Variants in CDH13 observed in about 807,000 individuals in gnomAD.
CDH13 encodes the protein cadherin 13.
In CDH13, 24 loss-of-function variants were observed where a neutral mutation model predicts 63.8. The ratio of observed to expected loss-of-function variants is 0.38; its 90% confidence interval spans 0.27 to 0.53. The LOEUF is 0.53. CDH13 is among the 20% of genes least tolerant of loss of function. The pLI, the probability that CDH13 is intolerant of heterozygous loss-of-function variation, is 0.85. For synonymous variants in CDH13, 503 were observed against 355.3 expected (o/e 1.42, Z -4.67); for missense variants, 1,049 against 903.1 (o/e 1.16, Z -2.07).
intron 3 of CDH13, among the ~76,000 whole-genome samples, chr16:83,093,540 G>A (rs866359001): frequency 5.3e-5 from 8 of 151,674 alleles, no homozygotes; most frequent in African/African-American, 1.7e-4. Context: ...GCCTGGTCTC[G>A]AACTCCTGAC....
chr16:83,246,156 T>C (rs1423287607), intron 5 of CDH13, among the ~76,000 whole-genome samples: 2 of 152,238 alleles, frequency 1.3e-5, no homozygotes, highest in Non-Finnish European at 2.9e-5. Context: ...GGACTAGAAT[T>C]TCTTTATTCT....
chr16:83,704,100 A>G (rs180733624), intron 10 of CDH13, among the ~76,000 whole-genome samples: 1 of 152,344 alleles, frequency 6.6e-6, no homozygotes, highest in Non-Finnish European at 1.5e-5. Context: ...CTTTGGTTAC[A>G]GTTCAAAAGT....
intron 2 of CDH13, among the ~76,000 whole-genome samples, chr16:82,971,892 C>G (rs964604778): frequency 2.0e-5 from 3 of 152,144 alleles, no homozygotes; most frequent in African/African-American, 7.2e-5. Context: ...GGCCTGTACC[C>G]TTGTTTGCAG....
At chr16:82,796,877 G>A (rs1428608650) in intron 1 of CDH13, among the ~76,000 whole-genome samples, 1 of 152,220 alleles carries the variant, frequency 6.6e-6, no homozygotes, top group Non-Finnish European at 1.5e-5. Context: ...TCCAACGGCT[G>A]CACCTGTGGA....
intron 7 of CDH13, among the ~76,000 whole-genome samples, chr16:83,505,914 T>G (rs185218104): frequency 1.8e-3 from 267 of 152,290 alleles, no homozygotes; most frequent in African/African-American, 6.4e-3. Flanking sequence ...ATCAGCATGT[T>G]CCTTCCTTCA....
chr16:83,319,680 T>C (rs2090179377), intron 5 of CDH13, among the ~76,000 whole-genome samples: 1 of 152,082 alleles, frequency 6.6e-6, no homozygotes, highest in South Asian at 2.1e-4. Flanking sequence ...CATCATGTCA[T>C]CTATGCAAAG....
At chr16:83,337,051 C>A (rs901981002) in intron 5 of CDH13, among the ~76,000 whole-genome samples, 2 of 152,166 alleles carry the variant, frequency 1.3e-5, no homozygotes, top group Non-Finnish European at 2.9e-5. Context: ...CGCCATGAAG[C>A]TGAAGGCCAC....
At chr16:83,594,424 T>C (rs966032377) in intron 7 of CDH13, among the ~76,000 whole-genome samples, 8 of 150,334 alleles carry the variant, frequency 5.3e-5, no homozygotes, top group Non-Finnish European at 3.0e-5. Context: ...TAATAATTGA[T>C]CACATATTGA....
intron 2 of CDH13, among the ~76,000 whole-genome samples, chr16:82,934,209 G>T (rs768724239): frequency 6.6e-6 from 1 of 152,184 alleles, no homozygotes; most frequent in Non-Finnish European, 1.5e-5. Context: ...CTGAAGTCTA[G>T]GCAGATGTTC....
rs74484968 is a variant in CDH13 at position 82,848,782 on chromosome 16, T to C, written c.46-9580T>C. On this transcript the variant is annotated intron_variant, in intron 1 of 13. Transcript: ENST00000567109. The stretch of plus-strand genomic sequence containing the variant: ...ATAAAGTACTTTCTTTGCCTCTAAG[T>C]GTTCAAGAGAAAGGAGGAGTTGCAT... 7.3e-3 allele frequency among the ~76,000 whole-genome samples: 1,105 copies of C among 152,334 alleles called. 9 individuals are homozygous for C. Among genetic ancestry groups the C allele is most frequent in the African/African-American group, 0.024 (1,006 of 41,580 alleles).
At chr16:83,458,328 C>G (rs60319046) in intron 6 of CDH13, among the ~76,000 whole-genome samples, 1 of 152,184 alleles carries the variant, frequency 6.6e-6, no homozygotes, top group Admixed American at 6.5e-5. Context: ...GTAGCAAAAT[C>G]TCAAGCACAG....
intron 9 of CDH13, among the ~76,000 whole-genome samples, chr16:83,672,880 C>T (rs1914635556): frequency 6.6e-6 from 1 of 152,176 alleles, no homozygotes; most frequent in Non-Finnish European, 1.5e-5. Context: ...TTTATAGACT[C>T]AGGACTAGCC....
chr16:82,629,238 C>G (rs1347476438), intron 1 of CDH13, among the ~76,000 whole-genome samples: 1 of 152,196 alleles, frequency 6.6e-6, no homozygotes, highest in Non-Finnish European at 1.5e-5. Flanking sequence ...CAGGTGGGTT[C>G]TGAAGGCTCA....
At chr16:82,712,705 A>T (rs146926503) in intron 1 of CDH13, among the ~76,000 whole-genome samples, 2,078 of 152,196 alleles carry the variant, frequency 0.014, 20 homozygotes, top group Admixed American at 0.024. Flanking sequence ...CGCAGCTGAG[A>T]TGGCTGACTC....
chr16:83,733,504 AGCC>A (rs781518311), intron 10 of CDH13, among the ~76,000 whole-genome samples: 7 of 152,214 alleles, frequency 4.6e-5, no homozygotes, highest in African/African-American at 2.4e-5. Flanking sequence ...CTTGCTTGGC[AGCC>A]GGCCAGACCA....
rs1458575698 is a variant in CDH13 at position 83,558,178 on chromosome 16, A to G, written c.961-44276A>G. ...TGTTGTAGAGGGGCTAGAGTTTGAG[A>G]CCATCACATTTGCTTTCTGCAAGCC... On this transcript the variant is annotated intron_variant, in intron 7 of 13. Coordinates refer to ENST00000567109, the MANE Select transcript of CDH13 (RefSeq NM_001257.5). 2.0e-5 allele frequency among the ~76,000 whole-genome samples: 3 copies of G among 152,268 alleles called. 1 individual carries two copies. Among genetic ancestry groups the G allele is most frequent in the African/African-American group, 4.8e-5 (2 of 41,554 alleles).
chr16:82,841,974 C>A (rs1180191089), intron 1 of CDH13, among the ~76,000 whole-genome samples: 1 of 151,086 alleles, frequency 6.6e-6, no homozygotes, highest in Non-Finnish European at 1.5e-5. Flanking sequence ...TCATTTATTT[C>A]TTGGGGAGCT....
intron 7 of CDH13, among the ~76,000 whole-genome samples, chr16:83,547,696 A>ACGTACCACATTTTCTTTATC (rs1200830433): frequency 1.3e-5 from 2 of 152,192 alleles, no homozygotes; most frequent in Non-Finnish European, 2.9e-5. Context: ...TATCCAGTCT[A>ACGTACCACATTTTCTTTATC]CAGTTGATGG....
intron 1 of CDH13, among the ~76,000 whole-genome samples, chr16:82,698,447 A>G (rs1432754028): frequency 6.6e-6 from 1 of 152,258 alleles, no homozygotes; most frequent in Non-Finnish European, 1.5e-5. Context: ...ATTAACAAGC[A>G]GTGCTCACTG....
Sources: gnomAD v4.1 joint callset for allele counts (sites outside exome capture counted in the v4.1 genomes callset) on GRCh38, gnomAD v4.1.1 for gene constraint, MANE v1.5 for transcripts, NCBI Gene and HGNC (gene_info 2026-07-23, HGNC 2026-07-21) for gene names.